The following SEL1L2 variants were observed in gnomAD, a reference collection of about 807,000 sequenced individuals.
SEL1L2 encodes the protein SEL1L2 adaptor subunit of SYVN1 ubiquitin ligase.
A neutral mutation model predicts 98.8 loss-of-function variants in SEL1L2; 89 were observed. The observed-to-expected ratio is 0.90, with a 90% CI of 0.76 to 1.07. The LOEUF (loss-of-function observed/expected upper bound fraction) is 1.07, where lower values mean the gene tolerates loss of function less well. SEL1L2 is among the 50% of genes least tolerant of loss of function. The pLI, the probability that SEL1L2 is intolerant of heterozygous loss-of-function variation, is 0.00. For missense variants in SEL1L2, 788 were observed against 812.0 expected, an observed-to-expected ratio of 0.97 and a Z score of 0.36; for synonymous variants, 262 against 278.5, an observed-to-expected ratio of 0.94 and a Z score of 0.59.
Position 13,920,602 on chromosome 20 carries a change from CACAT to C in SEL1L2, c.284-1483_284-1480del, listed in dbSNP as rs202173794. On this transcript the variant is annotated intron_variant, in intron 3 of 19. Transcript: ENST00000284951. ...ACTCTCACATACACACACACACACA[CACAT>C]ACAGCCTTTTATAACATCACAGTGC... 6.8e-4 allele frequency among the ~76,000 whole-genome samples: 104 copies of C among 152,196 alleles called. 1 individual carries two copies. The East Asian group carries it at 9.6e-3, about 14-fold the overall frequency.
intron 2 of SEL1L2, among the ~76,000 whole-genome samples, chr20:13,954,053 G>A (rs2050399005): frequency 6.6e-6 from 1 of 152,000 alleles, no homozygotes; most frequent in South Asian, 2.1e-4. Flanking sequence ...TTTTTTTCAT[G>A]TGTGTATGTG....
chr20:13,912,292 A>ATT lies in SEL1L2; in HGVS notation c.549+1488_549+1489dup, dbSNP rs11478603. Among the ~76,000 whole-genome samples the ATT allele has an allele frequency of 7.2e-3, 799 of 111,200 alleles. 3 individuals carry two copies. The highest frequency in any genetic ancestry group is 9.6e-3 in the African/African-American group (280 of 29,126). 73.0% of individuals were successfully genotyped at this position (111,200 alleles called of 152,430 possible). A position where few individuals can be genotyped will look rare whatever the true frequency, so the allele number is the denominator to read the frequency against. On this transcript the variant is annotated intron_variant, in intron 5 of 19. Coordinates refer to ENST00000284951, the MANE Select transcript of SEL1L2 (RefSeq NM_025229.2). ...AGCATCTGGACTTTTTTTCTGTGGG[A>ATT]TTTTTTTTTTTTTTTTTTTTTTTGA... is the stretch of plus-strand genomic sequence containing the variant.
chr20:13,852,689 C>T (rs886739948), intron 18 of SEL1L2, among the ~76,000 whole-genome samples: 1 of 152,190 alleles, frequency 6.6e-6, no homozygotes, highest in African/African-American at 2.4e-5. Flanking sequence ...GTTAAAAGAA[C>T]ATGTTTTTAA....
chr20:13,861,620 C>T (rs1423064842), intron 17 of SEL1L2, among the ~76,000 whole-genome samples: 6 of 152,130 alleles, frequency 3.9e-5, no homozygotes, highest in Non-Finnish European at 5.9e-5. Flanking sequence ...ATATTTTAAT[C>T]GCTCTGAAGA....
At chr20:13,957,645 G>A (rs2050601459) in intron 1 of SEL1L2, among the ~76,000 whole-genome samples, 1 of 152,194 alleles carries the variant, frequency 6.6e-6, no homozygotes, top group Admixed American at 6.5e-5. Context: ...GGAAGGACAA[G>A]GTGGCCGGCT....
rs1229905876 is a variant in SEL1L2 at position 13,974,223 on chromosome 20, AT to A, written c.58+16253del. 3.0e-4 allele frequency among the ~76,000 whole-genome samples: 46 copies of A among 151,926 alleles called. 1 individual carries two copies. The highest frequency in any genetic ancestry group is 1.1e-3 in the African/African-American group (46 of 41,354). On this transcript the variant is annotated intron_variant, in intron 1 of 19. Coordinates refer to ENST00000284951, the MANE Select transcript of SEL1L2 (RefSeq NM_025229.2). ...TTGTGCTTACTTCTCTAGATTCTAG[AT>A]TTTCCCTAGATTTTTTGTCTGGTAC...
chr20:13,989,042 G>T (rs2052403235), intron 1 of SEL1L2, among the ~76,000 whole-genome samples: 1 of 152,042 alleles, frequency 6.6e-6, no homozygotes, highest in Non-Finnish European at 1.5e-5. Context: ...AATAAATAAA[G>T]ATTGTGTTGA....
chr20:13,933,393 A>G (rs1284715516), intron 2 of SEL1L2, among the ~76,000 whole-genome samples: 1 of 151,988 alleles, frequency 6.6e-6, no homozygotes, highest in Non-Finnish European at 1.5e-5. Context: ...AAAAACCACA[A>G]ATCCTTTAGC....
At chr20:13,901,317 G>A (rs1320556627) in intron 5 of SEL1L2, among the ~76,000 whole-genome samples, 1 of 151,958 alleles carries the variant, frequency 6.6e-6, no homozygotes, top group African/African-American at 2.4e-5. Context: ...TGATCTGCCC[G>A]CCTCAGCCTC....
rs568232818 is a variant in SEL1L2, at chr20:13,865,327, A to G, written c.1570+22T>C. On this transcript the variant is annotated intron_variant, in intron 16 of 19. Transcript: ENST00000284951. ...TGCATATGTATGATTGGGGGATTGC[A>G]GAGAATTTTAACTCATCTTACTAGA... 8 of 1,612,856 alleles carry G rather than the reference A, an allele frequency of 5.0e-6. No homozygotes were observed. The East Asian group carries it at 1.8e-4, about 36-fold the overall frequency.
intron 4 of SEL1L2, among the ~76,000 whole-genome samples, chr20:13,916,316 C>T (rs945731304): frequency 3.3e-5 from 5 of 152,104 alleles, no homozygotes; most frequent in African/African-American, 1.2e-4. Context: ...AAATTATTCT[C>T]CTTTGGTCAG....
intron 4 of SEL1L2, chr20:13,915,170 C>T: frequency 3.1e-6 from 4 of 1,289,580 alleles, no homozygotes; most frequent in Non-Finnish European, 4.0e-6. Context: ...TGCTCTTGGG[C>T]AGAAGCTGGA....
chr20:13,860,832 G>T (rs569743534), intron 17 of SEL1L2, among the ~76,000 whole-genome samples: 13 of 151,936 alleles, frequency 8.6e-5, no homozygotes, highest in Non-Finnish European at 1.5e-4. Context: ...ATTGCCTCTT[G>T]ATGTCTCCAC....
intron 3 of SEL1L2, among the ~76,000 whole-genome samples, chr20:13,922,505 T>C (rs1241559787): frequency 6.6e-6 from 1 of 152,236 alleles, no homozygotes; most frequent in South Asian, 2.1e-4. Context: ...ACTCTTCTGA[T>C]GCATTATTCA....
At chr20:13,955,505 C>G (rs1051617784) in intron 2 of SEL1L2, among the ~76,000 whole-genome samples, 4 of 151,966 alleles carry the variant, frequency 2.6e-5, no homozygotes. Flanking sequence ...GTAGTAGGAG[C>G]TGATATCAGA....
chr20:13,928,432 A>G (rs891801051), intron 3 of SEL1L2: 1 of 152,216 alleles, frequency 6.6e-6, no homozygotes, highest in African/African-American at 2.4e-5. Flanking sequence ...CACACTGTAT[A>G]AGACATTCTA....
chr20:13,993,394 T>C (rs2258930), upstream of SEL1L2, among the ~76,000 whole-genome samples: 32,229 of 152,000 alleles, frequency 0.21, 3,892 homozygotes, highest in African/African-American at 0.33. Flanking sequence ...GGAGCATGAG[T>C]TCAGTTTGGT....
chr20:13,949,386 C>T (rs917427995), intron 2 of SEL1L2, among the ~76,000 whole-genome samples: 7 of 152,160 alleles, frequency 4.6e-5, no homozygotes, highest in Admixed American at 1.3e-4. Flanking sequence ...AACAACAGGC[C>T]GGGCGCGGTG....
intron 2 of SEL1L2, among the ~76,000 whole-genome samples, chr20:13,946,074 T>C (rs1482523468): frequency 1.3e-5 from 2 of 152,200 alleles, no homozygotes; most frequent in African/African-American, 4.8e-5. Flanking sequence ...AAAGCAAGGA[T>C]ACCCACTGTT....
Sources: gnomAD v4.1 joint callset for allele counts (sites outside exome capture counted in the v4.1 genomes callset) on GRCh38, gnomAD v4.1.1 for gene constraint, MANE v1.5 for transcripts, NCBI Gene and HGNC (gene_info 2026-07-23, HGNC 2026-07-21) for gene names.